Variants in SCAND3 observed in about 807,000 individuals in gnomAD.
SCAND3 encodes the protein SCAN domain-containing protein 3.
the SCAND3 span, among the ~76,000 whole-genome samples, chr6:28,584,761 A>G: frequency 6.6e-6 from 1 of 152,208 alleles, no homozygotes. Flanking sequence ...TTTCTTAATG[A>G]GGGGAAAATG....
At chr6:28,608,741 G>C in the SCAND3 span, among the ~76,000 whole-genome samples, 1 of 152,174 alleles carries the variant, frequency 6.6e-6, no homozygotes, top group Non-Finnish European at 1.5e-5. Context: ...GCTTACACCT[G>C]TAATCCCAGA....
At chr6:28,574,990 CCAGTCT>C in the SCAND3 span, 131 of 1,613,616 alleles carry the variant, frequency 8.1e-5, no homozygotes, top group Non-Finnish European at 1.1e-4. Context: ...ACTGTCTGTT[CCAGTCT>C]CAATGTTTTC....
chr6:28,586,935 T>C, the SCAND3 span: 1 of 574,072 alleles, frequency 1.7e-6, no homozygotes, highest in Non-Finnish European at 3.1e-6. The surrounding 1 kb of genome is among the most constrained non-coding windows in gnomAD (Gnocchi z 4.4). Flanking sequence ...AGCCATCCTC[T>C]GAAAAGACCA....
the SCAND3 span, among the ~76,000 whole-genome samples, chr6:28,607,172 G>A: frequency 5.9e-5 from 9 of 152,168 alleles, no homozygotes; most frequent in Non-Finnish European, 1.2e-4. Flanking sequence ...GTAGCTCAGT[G>A]GTAGAGCGCG....
At chr6:28,573,700 T>C in the SCAND3 span, 2 of 1,610,274 alleles carry the variant, frequency 1.2e-6, no homozygotes, top group South Asian at 1.1e-5. Context: ...GAAACTAGCA[T>C]GAACTCTTTT....
the SCAND3 span, chr6:28,587,775 C>T: frequency 7.9e-6 from 1 of 126,808 alleles, no homozygotes; most frequent in Non-Finnish European, 1.7e-5. Flanking sequence ...ATTAGAAAAC[C>T]AAGACCACCG....
the SCAND3 span, chr6:28,575,453 C>T: frequency 6.2e-7 from 1 of 1,613,802 alleles, no homozygotes; most frequent in Non-Finnish European, 8.5e-7. The surrounding 1 kb of genome is among the most constrained non-coding windows in gnomAD (Gnocchi z 4.2). Flanking sequence ...AGAGCATGTG[C>T]AACTTCCGTA....
the SCAND3 span, among the ~76,000 whole-genome samples, chr6:28,610,276 C>A: frequency 6.6e-6 from 1 of 152,202 alleles, no homozygotes; most frequent in East Asian, 1.9e-4. Flanking sequence ...AATCCCTGCA[C>A]TTTGGGAGGC....
At chr6:28,591,589 A>G in the SCAND3 span, 1 of 152,330 alleles carries the variant, frequency 6.6e-6, no homozygotes, top group South Asian at 2.1e-4. Flanking sequence ...CACCCTTGAT[A>G]TCTAATCAAG....
the SCAND3 span, chr6:28,572,492 C>A: frequency 1.3e-5 from 21 of 1,613,430 alleles, no homozygotes; most frequent in Non-Finnish European, 1.8e-5. This position sits in a 1 kb window ranked among gnomAD's most constrained non-coding sequence, Gnocchi z 4.1. Flanking sequence ...TGTCCTTCAA[C>A]TTTATCTGCC....
At chr6:28,586,563 CGA>C in the SCAND3 span, 5 of 1,614,206 alleles carry the variant, frequency 3.1e-6, no homozygotes, top group Admixed American at 1.7e-5. The surrounding 1 kb of genome is among the most constrained non-coding windows in gnomAD (Gnocchi z 4.4). Flanking sequence ...GAAGCGCTGA[CGA>C]GAGAGTTCCC....
the SCAND3 span, among the ~76,000 whole-genome samples, chr6:28,609,222 T>G: frequency 2.0e-5 from 3 of 152,212 alleles, no homozygotes; most frequent in African/African-American, 7.2e-5. Context: ...GATAAAGCTA[T>G]CTATGTATCT....
chr6:28,603,235 GGCGTGA>G, the SCAND3 span, among the ~76,000 whole-genome samples: 1 of 152,108 alleles, frequency 6.6e-6, no homozygotes. Context: ...TGGGATTACA[GGCGTGA>G]GCCACCGTGC....
At chr6:28,605,407 A>G in the SCAND3 span, among the ~76,000 whole-genome samples, 1 of 152,246 alleles carries the variant, frequency 6.6e-6, no homozygotes, top group East Asian at 1.9e-4. Flanking sequence ...TAAAGCAAGA[A>G]CAAAAAAGTA....
At chr6:28,612,098 G>A in the SCAND3 span, among the ~76,000 whole-genome samples, 1 of 151,580 alleles carries the variant, frequency 6.6e-6, no homozygotes, top group East Asian at 1.9e-4. Context: ...GTGCAGTGGC[G>A]CGATCTCAGC....
the SCAND3 span, among the ~76,000 whole-genome samples, chr6:28,614,762 T>C: frequency 6.6e-6 from 1 of 150,644 alleles, no homozygotes; most frequent in Admixed American, 6.6e-5. Context: ...ATCGTGCTGG[T>C]CCTGCAAAGC....
the SCAND3 span, among the ~76,000 whole-genome samples, chr6:28,610,360 A>G: frequency 6.6e-6 from 1 of 152,092 alleles, no homozygotes; most frequent in Non-Finnish European, 1.5e-5. Flanking sequence ...CGTCTCTACT[A>G]AAAATACAAC....
At chr6:28,611,707 T>G in the SCAND3 span, among the ~76,000 whole-genome samples, 1 of 152,212 alleles carries the variant, frequency 6.6e-6, no homozygotes, top group Non-Finnish European at 1.5e-5. Flanking sequence ...CATTCCCAAA[T>G]ACAACCACTC....
the SCAND3 span, among the ~76,000 whole-genome samples, chr6:28,605,410 A>G: frequency 1.5e-3 from 229 of 152,336 alleles, 1 homozygote; most frequent in Non-Finnish European, 2.5e-3. Context: ...AGCAAGAACA[A>G]AAAAGTACAG....
Sources: gnomAD v4.1 joint callset for allele counts (sites outside exome capture counted in the v4.1 genomes callset) on GRCh38, gnomAD v4.1.1 for gene constraint, Gnocchi (gnomAD v3.1) non-coding constraint, MANE v1.5 for transcripts, NCBI Gene and HGNC (gene_info 2026-07-23, HGNC 2026-07-21) for gene names.